Variants in PRKAR1B observed in about 807,000 individuals in gnomAD.
PRKAR1B encodes cAMP-dependent protein kinase type I-beta regulatory subunit.
A neutral mutation model predicts 46.5 loss-of-function variants in PRKAR1B; 22 were observed. The ratio of observed to expected loss-of-function variants is 0.47; its 90% CI spans 0.34 to 0.68. The LOEUF (loss-of-function observed/expected upper bound fraction) is 0.68. PRKAR1B is among the 30% of genes least tolerant of loss of function. PRKAR1B has a pLI of 0.01. For missense variants in PRKAR1B, 445 were observed against 535.6 expected (o/e 0.83, Z 1.67); for synonymous variants, 259 against 217.7 (o/e 1.19, Z -1.67).
At chr7:559,777 C>T (rs1778673891) in intron 9 of PRKAR1B, among the ~76,000 whole-genome samples, 1 of 152,190 alleles carries the variant, frequency 6.6e-6, no homozygotes, top group African/African-American at 2.4e-5. Context: ...ATTCATTTTA[C>T]TTAAATAAAT....
intron 6 of PRKAR1B, among the ~76,000 whole-genome samples, chr7:601,118 G>A (rs1781564684): frequency 6.6e-6 from 1 of 152,216 alleles, no homozygotes; most frequent in African/African-American, 2.4e-5. Flanking sequence ...AGGTCCTTGA[G>A]GGGACGGCTT....
chr7:717,095 A>T (rs1289154799), intron 1 of PRKAR1B, among the ~76,000 whole-genome samples: 1 of 152,120 alleles, frequency 6.6e-6, no homozygotes, highest in Non-Finnish European at 1.5e-5. Context: ...GTTCGAGACC[A>T]GCCTGGGCAA....
At chr7:573,494 A>G (rs1306624587) in intron 9 of PRKAR1B, among the ~76,000 whole-genome samples, 1 of 151,988 alleles carries the variant, frequency 6.6e-6, no homozygotes, top group Non-Finnish European at 1.5e-5. Flanking sequence ...AGGGGCAGCC[A>G]GCATCTGACC....
chr7:658,927 A>G (rs1198263789), intron 4 of PRKAR1B, among the ~76,000 whole-genome samples: 1 of 152,230 alleles, frequency 6.6e-6, no homozygotes, highest in Non-Finnish European at 1.5e-5. Flanking sequence ...CTGGGGTTAT[A>G]GACATGAGCC....
intron 4 of PRKAR1B, among the ~76,000 whole-genome samples, chr7:642,688 C>G (rs1403796583): frequency 2.7e-5 from 4 of 150,690 alleles, no homozygotes; most frequent in Non-Finnish European, 4.4e-5. Flanking sequence ...AGCCGAGATC[C>G]CGCCACTGCA....
At position 718,330 on chromosome 7, in the gene PRKAR1B, G is replaced by GTATATA. The variant is rs146416897; in HGVS notation, c.-22-6809_-22-6804dup. Among the ~76,000 whole-genome samples the GTATATA allele has an allele frequency of 2.6e-4, 36 of 137,916 alleles. No homozygotes were observed. The South Asian group carries it at 4.2e-3, about 16-fold the overall frequency. 90.5% of individuals were successfully genotyped at this position (137,916 alleles called of 152,430 possible). ...TATACATACATATATATGTATGTAT[G>GTATATA]TATATATATATATATATCTCCTCCT... On this transcript the variant is annotated intron_variant, in intron 1 of 10. Coordinates refer to ENST00000537384, the MANE Select transcript of PRKAR1B (RefSeq NM_001164760.2).
At chr7:633,378 G>C (rs1783873704) in intron 4 of PRKAR1B, among the ~76,000 whole-genome samples, 1 of 152,310 alleles carries the variant, frequency 6.6e-6, no homozygotes, top group South Asian at 2.1e-4. Flanking sequence ...CAGGAGACGG[G>C]ACCCAGGAAG....
chr7:597,914 A>G (rs868090922), intron 6 of PRKAR1B, among the ~76,000 whole-genome samples: 3 of 152,348 alleles, frequency 2.0e-5, no homozygotes, highest in Admixed American at 1.3e-4. Flanking sequence ...CTCTTGCAGC[A>G]CAGTGAGTTT....
Position 560,991 on chromosome 7 carries a change from C to T in PRKAR1B, c.892-9521G>A, listed in dbSNP as rs1267028355. Among the ~76,000 whole-genome samples, 1 of 152,098 alleles carries T rather than the reference C, an allele frequency of 6.6e-6. No individual in the cohort carries two copies. Among genetic ancestry groups the T allele is most frequent in the Non-Finnish European group, 1.5e-5 (1 of 68,012 alleles). On this transcript the variant is annotated intron_variant, in intron 9 of 10. Coordinates refer to ENST00000537384, the MANE Select transcript of PRKAR1B (RefSeq NM_001164760.2). This position sits in a 1 kb window ranked among gnomAD's most constrained non-coding sequence, Gnocchi z 4.2. ...CTGCCTGTGTGCTTCTGGACTTAGG[C>T]AGAAGCAGAATCCTATACATACACA...
At position 596,156 on chromosome 7, in the gene PRKAR1B, C is replaced by T. The variant is rs765662228; in HGVS notation, c.698G>A (p.Arg233His). The T allele has an allele frequency of 1.9e-6, 3 of 1,613,182 alleles. No homozygotes were observed. The highest frequency in any genetic ancestry group is 1.1e-5 in the South Asian group (1 of 91,010). The change falls in exon 7 of 11, where the codon CGC (arginine) becomes CAC (histidine). Residue 233 changes from arginine (R) to histidine (H), a missense_variant. Arg to His is a conservative substitution (Grantham distance 29). This residue lies in a region of PRKAR1B where 51 missense variants were observed against 85.1 expected (regional missense o/e 0.60). Coordinates refer to ENST00000537384, the MANE Select transcript of PRKAR1B (RefSeq NM_001164760.2). ...LWGIDRDSYR[R>H]ILMGSTLRKR... ...TGGGCACCAACTCACCATAAGGATG[C>T]GCCGGTAGCTGTCCCGGTCGATCCC...
chr7:599,002 G>A lies in PRKAR1B; in HGVS notation c.550-2698C>T, dbSNP rs144997982. Among the ~76,000 whole-genome samples the A allele has an allele frequency of 6.0e-4, 91 of 151,458 alleles. 1 individual carries two copies. The highest frequency in any genetic ancestry group is 2.0e-3 in the Admixed American group (31 of 15,256). Reference sequence around the variant, plus strand: ...GCTTTCTGGGATTCTGTCTCAAAGCGGGGATCCGTGGCTGCTGCCGCTGCA... The same window carrying A: ...GCTTTCTGGGATTCTGTCTCAAAGCAGGGATCCGTGGCTGCTGCCGCTGCA... On this transcript the variant is annotated intron_variant, in intron 6 of 10. Transcript: ENST00000537384.
In PRKAR1B at chr7:560,337, C is replaced by G. The variant is rs1232614382; in HGVS notation, c.892-8867G>C. Among the ~76,000 whole-genome samples, 1 of 147,192 alleles carries G rather than the reference C, an allele frequency of 6.8e-6. No individual in the cohort carries two copies. The highest frequency in any genetic ancestry group is 1.5e-5 in the Non-Finnish European group (1 of 67,418). On this transcript the variant is annotated intron_variant, in intron 9 of 10. Transcript: ENST00000537384. This position sits in a 1 kb window ranked among gnomAD's most constrained non-coding sequence, Gnocchi z 4.2. ...CCCAGTCTCGGGCATTTCTTCATAG[C>G]AGTGTTAGAATGAACTAATACAAAT...
rs1366298606 is a variant in PRKAR1B at position 549,958 on chromosome 7, C to T, written c.*472G>A. On this transcript the variant is annotated 3_prime_UTR_variant, in exon 11 of 11. Transcript: ENST00000537384. Reference sequence around the variant, plus strand: ...GGCCTTGACTTCTTCGGCCTCAACTCCCTGCTCTCAGCCTCATCTCCCCTG... The same window carrying T: ...GGCCTTGACTTCTTCGGCCTCAACTTCCTGCTCTCAGCCTCATCTCCCCTG... 1 of 164,842 alleles carries T rather than the reference C, an allele frequency of 6.1e-6. No homozygotes were observed. The highest frequency in any genetic ancestry group is 1.3e-5 in the Non-Finnish European group (1 of 75,234). The allele number at this position is 164,842 out of a possible 1,614,324, so 10.2% of individuals were successfully genotyped here.
intron 9 of PRKAR1B, among the ~76,000 whole-genome samples, chr7:559,463 C>T (rs1778652101): frequency 6.6e-6 from 1 of 152,120 alleles, no homozygotes; most frequent in African/African-American, 2.4e-5. Context: ...CGCACTTCCC[C>T]ATGCCCGGCA....
intron 4 of PRKAR1B, among the ~76,000 whole-genome samples, chr7:631,888 T>C (rs1269230000): frequency 6.6e-6 from 1 of 151,690 alleles, no homozygotes; most frequent in Non-Finnish European, 1.5e-5. Flanking sequence ...GCCCAGGAGA[T>C]TGAGGCTGCA....
In PRKAR1B at chr7:650,872, C is replaced by T. The variant is rs1038861142; in HGVS notation, c.440+26357G>A. ...CAAAGCTGCTGCCTCCCTCCCTGCC[C>T]GTGCTGGCGGATGCCTGCGGGACTC... On this transcript the variant is annotated intron_variant, in intron 4 of 10. Coordinates refer to ENST00000537384, the MANE Select transcript of PRKAR1B (RefSeq NM_001164760.2). Among the ~76,000 whole-genome samples the T allele has an allele frequency of 1.8e-4, 28 of 152,310 alleles. 1 individual carries two copies. Among genetic ancestry groups the T allele is most frequent in the Admixed American group, 9.8e-4 (15 of 15,308 alleles).
intron 9 of PRKAR1B, 96 bp from the exon 10 acceptor site, chr7:551,566 C>A: frequency 8.2e-7 from 1 of 1,213,734 alleles, no homozygotes; most frequent in East Asian, 2.6e-5. Context: ...CCACCCAAAC[C>A]CCCACCTCCC....
At chr7:603,083 G>C (rs1781736365) in intron 6 of PRKAR1B, 2 of 152,274 alleles carry the variant, frequency 1.3e-5, no homozygotes, top group African/African-American at 4.8e-5. Context: ...CAAAGAACAT[G>C]GAAAGCAGAA....
chr7:626,410 A>G (rs1255078041), intron 4 of PRKAR1B, among the ~76,000 whole-genome samples: 1 of 152,136 alleles, frequency 6.6e-6, no homozygotes, highest in Non-Finnish European at 1.5e-5. Context: ...CCAGAGAATC[A>G]CTTGAGTCCA....
Sources: allele counts gnomAD v4.1 joint callset (sites outside exome capture counted in the v4.1 genomes callset), GRCh38; gene constraint gnomAD v4.1.1; regional missense constraint gnomAD v4.1.1; non-coding constraint Gnocchi (gnomAD v3.1); transcripts MANE v1.5; gene names NCBI Gene and HGNC (gene_info 2026-07-23, HGNC 2026-07-21).